Variants in DNAH2 observed in about 807,000 individuals in gnomAD.
The protein encoded by DNAH2 is axonemal beta dynein heavy chain 2.
Under a neutral mutation model 523.5 loss-of-function variants are expected in DNAH2, and 323 were observed. That is an observed-to-expected ratio of 0.62 (90% CI 0.56 to 0.68). The LOEUF (loss-of-function observed/expected upper bound fraction) is 0.68, where lower values mean the gene tolerates loss of function less well. Among genes scored for constraint, DNAH2 ranks in the 30% least tolerant of loss-of-function variants. The pLI is 0.00. For missense variants in DNAH2, 4,907 were observed against 5,701.5 expected (o/e 0.86, Z 4.49); for synonymous variants, 2,093 against 2,177.4 (o/e 0.96, Z 1.08).
At position 7,765,841 on chromosome 17, in the gene DNAH2, G is replaced by A. The variant is rs527967007; in HGVS notation, c.3511+276G>A. On this transcript the variant is annotated intron_variant, in intron 21 of 85. Coordinates refer to ENST00000572933, the MANE Select transcript of DNAH2 (RefSeq NM_020877.5). The stretch of plus-strand genomic sequence containing the variant: ...TCACCAGGCTGGAGTGCAGTGGCTC[G>A]ATCTCAGCTCACTGCAACCTCCGCC... 6.6e-5 allele frequency among the ~76,000 whole-genome samples: 10 copies of A among 151,614 alleles called. No individual in the cohort carries two copies. In the South Asian group the frequency reaches 1.5e-3, roughly 22 times the overall value.
chr17:7,755,330 ACCTTCTCCAGCCTTTCCCACAAT>A, intron 12 of DNAH2, among the ~76,000 whole-genome samples: 1 of 2,186 alleles, frequency 4.6e-4, no homozygotes, highest in Non-Finnish European at 0.02. Flanking sequence ...TGGTCATGTG[ACCTTCTCCAGCCTTTCCCACAAT>A]GACCTTCTCC....
At chr17:7,750,182 C>T (rs1045967181) in intron 12 of DNAH2, among the ~76,000 whole-genome samples, 2 of 152,116 alleles carry the variant, frequency 1.3e-5, no homozygotes, top group African/African-American at 4.8e-5. Context: ...TTGTGCCTGG[C>T]CACCTCATTA....
At chr17:7,765,014 C>T (rs969238207) in intron 20 of DNAH2, among the ~76,000 whole-genome samples, 4 of 151,944 alleles carry the variant, frequency 2.6e-5, no homozygotes, top group Non-Finnish European at 4.4e-5. Context: ...CCACCTTGGC[C>T]TCCCAAAGTG....
In DNAH2 at chr17:7,832,549, T is replaced by C. The variant is rs373473012; in HGVS notation, c.12727-30T>C. 6.9e-5 allele frequency: 111 copies of C among 1,604,974 alleles called. 1 individual carries two copies. The Middle Eastern group carries it at 3.5e-3, about 50-fold the overall frequency. ...ATACGGATTTGAATGCACGGCTAAA[T>C]GAGTGAATACACACGCACTCCTTCC... is the stretch of plus-strand genomic sequence containing the variant. On this transcript the variant is annotated intron_variant, in intron 82 of 85. Transcript: ENST00000572933. The surrounding 1 kb of genome is among the most constrained non-coding windows in gnomAD (Gnocchi z 4.3).
chr17:7,743,060 A>C lies in DNAH2; in HGVS notation c.1822A>C (p.Lys608Gln), dbSNP rs140151042. ...TFQEWTSSLDKDCIRRLDTPL... is the reference protein window; with the variant it reads ...TFQEWTSSLDQDCIRRLDTPL... Reference sequence around the variant, plus strand: ...CCAAGAGTGGACATCAAGTCTGGACAAGGATTGCATTCGGCGGTTGGATAC... The same window carrying C: ...CCAAGAGTGGACATCAAGTCTGGACCAGGATTGCATTCGGCGGTTGGATAC... The change falls in exon 12 of 86, where the codon AAG (lysine) becomes CAG (glutamine). Residue 608 changes from lysine (K) to glutamine (Q), a missense_variant. Around this residue, in one of 3 missense-constraint regions of DNAH2, gnomAD observed 2,806 missense variants for 3,190.8 expected, o/e 0.88. Transcript: ENST00000572933. The C allele has an allele frequency of 4.6e-6, 7 of 1,534,868 alleles. No homozygotes were observed. The African/African-American group carries it at 8.3e-5, about 18-fold the overall frequency.
intron 63 of DNAH2, among the ~76,000 whole-genome samples, chr17:7,812,868 G>A (rs923304377): frequency 8.6e-5 from 13 of 151,220 alleles, no homozygotes; most frequent in East Asian, 2.0e-4. Flanking sequence ...ACTTGAACCC[G>A]GGAGGCGGGG....
chr17:7,767,829 A>C (rs2076210537), intron 22 of DNAH2, 71 bp from the exon 23 acceptor site: 7 of 1,599,994 alleles, frequency 4.4e-6, no homozygotes, highest in Non-Finnish European at 6.0e-6. Flanking sequence ...AGAGCAGCGA[A>C]GGGCCTGGGC....
At chr17:7,822,888 C>A (rs2077898373) in intron 73 of DNAH2, among the ~76,000 whole-genome samples, 1 of 152,200 alleles carries the variant, frequency 6.6e-6, no homozygotes. Context: ...AGGCAACCAG[C>A]AGAGGGCGCC....
chr17:7,734,303 TG>T lies in DNAH2; in HGVS notation c.739+12del. On this transcript the variant is annotated intron_variant, in intron 6 of 85. Transcript: ENST00000572933. Reference sequence around the variant, plus strand: ...GTGCAACGGCTAGAGAGTGAGTGGCTGGCACTGCTAGCATCACCTGGCGATC... The same window carrying T: ...GTGCAACGGCTAGAGAGTGAGTGGCTGCACTGCTAGCATCACCTGGCGATC... 6.2e-7 allele frequency: 1 copy of T among 1,606,880 alleles called. No individual in the cohort carries two copies. Among genetic ancestry groups the T allele is most frequent in the Admixed American group, 1.7e-5 (1 of 58,640 alleles).
At chr17:7,719,642 C>A in intron 1 of DNAH2, 79 bp from the exon 2 acceptor site, 1 of 1,548,300 alleles carries the variant, frequency 6.5e-7, no homozygotes, top group Non-Finnish European at 8.9e-7. Flanking sequence ...TTTATGAATT[C>A]AAAAGGGACT....
chr17:7,738,263 A>G, intron 8 of DNAH2: 1 of 596,890 alleles, frequency 1.7e-6, no homozygotes, highest in South Asian at 2.1e-5. Flanking sequence ...CATCTGGCCA[A>G]ATTTTCTGTC....
intron 10 of DNAH2, 41 bp downstream of exon 10, chr17:7,740,590 T>C (rs757930756): frequency 6.2e-7 from 1 of 1,607,206 alleles, no homozygotes; most frequent in Non-Finnish European, 8.5e-7. Flanking sequence ...CCGTCCCGCG[T>C]GCTTTCCTGG....
Position 7,817,696 on chromosome 17 carries a change from AC to A in DNAH2, c.10159del (p.Arg3387GlufsTer7). 6.2e-7 allele frequency: 1 copy of A among 1,614,088 alleles called. No individual in the cohort carries two copies. The highest frequency in any genetic ancestry group is 2.2e-5 in the East Asian group (1 of 44,876). ...CTCCACTGAGAATGGCATCATCGTC[AC>A]CCGAGGCAACAGGTGAGGGTGCTGC... ...AFSTENGIIV[T>X]RGNRWALMID... On this transcript the variant is annotated frameshift_variant, in exon 66 of 86. Coordinates refer to ENST00000572933, the MANE Select transcript of DNAH2 (RefSeq NM_020877.5). LOFTEE classifies it high-confidence loss of function.
At chr17:7,718,972 C>A (rs2074506524) in intron 1 of DNAH2, among the ~76,000 whole-genome samples, 173 bp downstream of exon 1, 2 of 152,082 alleles carry the variant, frequency 1.3e-5, no homozygotes, top group Admixed American at 1.3e-4. Context: ...TTCCTTGATC[C>A]TCTCTCACTC....
intron 8 of DNAH2, chr17:7,738,146 C>T (rs1331208146): frequency 1.4e-6 from 1 of 702,516 alleles, no homozygotes. Context: ...CCTAACATCC[C>T]ATGTCTCAAC....
rs1265794258 is a variant in DNAH2, at chr17:7,743,084, A to G, written c.1846A>G (p.Thr616Ala). The change falls in exon 12 of 86, where the codon ACC becomes GCC. Residue 616 changes from threonine to alanine, a missense_variant. Thr to Ala is a moderately conservative substitution (Grantham distance 58, BLOSUM62 0). Transcript: ENST00000572933. ...LDKDCIRRLD[T>A]PLLRISQEKA... ...CAAGGATTGCATTCGGCGGTTGGAT[A>G]CCCCATTGCTGCGAATCAGCCAGGA... 1 of 1,547,316 alleles carries G rather than the reference A, an allele frequency of 6.5e-7. No homozygotes were observed. The highest frequency in any genetic ancestry group is 1.3e-5 in the South Asian group (1 of 78,326).
Position 7,766,398 on chromosome 17 carries a change from G to T in DNAH2, c.3592G>T (p.Glu1198Ter). 1 of 1,614,098 alleles carries T rather than the reference G, an allele frequency of 6.2e-7. No homozygotes were observed. The highest frequency in any genetic ancestry group is 8.5e-7 in the Non-Finnish European group (1 of 1,180,020). The change falls in exon 22 of 86, where the codon GAA (glutamate) becomes TAA (stop). Residue 1198 changes from glutamate to a stop codon, truncating the protein, a stop_gained. Transcript: ENST00000572933. LOFTEE classifies it high-confidence loss of function. ...QVRAMLMAMR[E>*]EENSLRANLG... ...GCGGGCCATGCTGATGGCCATGCGG[G>T]AAGAGGAAAATAGTCTCCGAGCCAA...
intron 17 of DNAH2, 45 bp downstream of exon 17, chr17:7,759,983 C>T: frequency 6.2e-7 from 1 of 1,613,288 alleles, no homozygotes. Context: ...GTTTCAGAGG[C>T]TGTCGAGTGG....
rs771403420 is a variant in DNAH2, at chr17:7,775,298, T to C, written c.4777T>C (p.Tyr1593His). The C allele has an allele frequency of 1.2e-6, 2 of 1,613,348 alleles. No individual in the cohort carries two copies. Among genetic ancestry groups the C allele is most frequent in the South Asian group, 2.2e-5 (2 of 90,858 alleles). The change falls in exon 30 of 86, where the codon TAC becomes CAC. Residue 1593 changes from tyrosine to histidine, a missense_variant. Transcript: ENST00000572933. ...GGGGATGTTCTCGGGCGACGGCGAG[T>C]ACATTGACTTCCTCCACTCAGTATT... ...AVGMFSGDGE[Y>H]IDFLHSVFLE...
Sources: allele counts gnomAD v4.1 joint callset (sites outside exome capture counted in the v4.1 genomes callset), GRCh38; gene constraint gnomAD v4.1.1; regional missense constraint gnomAD v4.1.1; non-coding constraint Gnocchi (gnomAD v3.1); transcripts MANE v1.5; gene names NCBI Gene and HGNC (gene_info 2026-07-23, HGNC 2026-07-21).